Variants in SGCD observed in about 807,000 individuals in gnomAD.
SGCD encodes delta-sarcoglycan.
In SGCD, 18 loss-of-function variants were observed where a neutral mutation model predicts 36.6. That is an observed-to-expected ratio of 0.49 (90% CI 0.34 to 0.73). The LOEUF is 0.73. SGCD is among the 30% of genes least tolerant of loss of function. The pLI is 0.01. For missense variants in SGCD, 387 were observed against 346.7 expected (o/e 1.12, Z -0.92); for synonymous variants, 133 against 130.6 (o/e 1.02, Z -0.12).
At chr5:156,749,725 CA>C (rs1275190520) in intron 7 of SGCD, among the ~76,000 whole-genome samples, 9 of 151,386 alleles carry the variant, frequency 5.9e-5, no homozygotes, top group Non-Finnish European at 1.3e-4. Context: ...AGCTAACTTA[CA>C]AAAAAAACTG....
intron 3 of SGCD, among the ~76,000 whole-genome samples, chr5:156,292,468 C>T (rs762654223): frequency 3.3e-5 from 5 of 152,146 alleles, no homozygotes; most frequent in Non-Finnish European, 7.4e-5. Flanking sequence ...AAGCTGAATA[C>T]TAATTCCATT....
chr5:156,604,014 T>A (rs1761313283), intron 6 of SGCD, among the ~76,000 whole-genome samples: 1 of 152,082 alleles, frequency 6.6e-6, no homozygotes, highest in African/African-American at 2.4e-5. Flanking sequence ...CTACTATTAC[T>A]GTTTTGGAGT....
the SGCD span, among the ~76,000 whole-genome samples, chr5:155,750,051 T>TC: frequency 1.3e-5 from 2 of 152,190 alleles, no homozygotes; most frequent in African/African-American, 4.8e-5. Context: ...CCATTTTTTT[T>TC]CCATTTAAAG....
At chr5:156,745,261 C>CT (rs1452687109) in intron 7 of SGCD, among the ~76,000 whole-genome samples, 1 of 152,164 alleles carries the variant, frequency 6.6e-6, no homozygotes, top group African/African-American at 2.4e-5. Flanking sequence ...AATTGCCTGT[C>CT]TTGAACCTCA....
At chr5:155,851,244 C>A in the SGCD span, among the ~76,000 whole-genome samples, 1 of 152,110 alleles carries the variant, frequency 6.6e-6, no homozygotes, top group Non-Finnish European at 1.5e-5. Context: ...TTTTCAAGAT[C>A]CACATCAGTT....
At chr5:155,844,531 T>C in the SGCD span, among the ~76,000 whole-genome samples, 1 of 151,976 alleles carries the variant, frequency 6.6e-6, no homozygotes, top group Admixed American at 6.6e-5. Flanking sequence ...AATTTATTAA[T>C]AGAAGCATTC....
rs1246276884 is a variant in SGCD at position 156,603,587 on chromosome 5, A to G, written c.502+8536A>G. On this transcript the variant is annotated intron_variant, in intron 6 of 8. Coordinates refer to ENST00000337851, the MANE Select transcript of SGCD (RefSeq NM_000337.6). The stretch of plus-strand genomic sequence containing the variant: ...ATTCCTTCTTATGACTGCTTTTGCA[A>G]TGTCTCAGGCTTTGGCATGATGTGT... Among the ~76,000 whole-genome samples the G allele has an allele frequency of 2.6e-5, 4 of 152,162 alleles. No homozygotes were observed. The East Asian group carries it at 7.7e-4, about 29-fold the overall frequency.
intron 4 of SGCD, among the ~76,000 whole-genome samples, chr5:156,525,149 C>A (rs1757590872): frequency 6.6e-6 from 1 of 152,064 alleles, no homozygotes; most frequent in Non-Finnish European, 1.5e-5. Flanking sequence ...ACGCTCCATG[C>A]AGTTTTCCAT....
chr5:156,574,877 T>G (rs921853090), intron 4 of SGCD, among the ~76,000 whole-genome samples: 1 of 152,146 alleles, frequency 6.6e-6, no homozygotes, highest in Non-Finnish European at 1.5e-5. Context: ...CAGAATGCCA[T>G]GCACCATTCT....
intron 6 of SGCD, among the ~76,000 whole-genome samples, chr5:156,612,964 A>G (rs1246274960): frequency 1.3e-5 from 2 of 152,186 alleles, no homozygotes; most frequent in Non-Finnish European, 2.9e-5. Flanking sequence ...TAGCAGTAAT[A>G]AGGACTACTG....
At chr5:155,863,879 G>A in the SGCD span, among the ~76,000 whole-genome samples, 4 of 152,008 alleles carry the variant, frequency 2.6e-5, no homozygotes, top group African/African-American at 7.2e-5. Flanking sequence ...TGTGTGCCAC[G>A]CACATAATAG....
intron 3 of SGCD, among the ~76,000 whole-genome samples, chr5:156,252,088 C>T (rs1245392063): frequency 1.2e-4 from 18 of 148,324 alleles, no homozygotes; most frequent in Admixed American, 4.0e-4. Flanking sequence ...TTTTTTGAGA[C>T]GGAGTTTCGC....
chr5:156,097,970 C>T (rs766241030), intron 1 of SGCD, among the ~76,000 whole-genome samples: 9 of 152,130 alleles, frequency 5.9e-5, no homozygotes, highest in South Asian at 2.1e-4. Context: ...TAGGTGCCAT[C>T]GGAATTCTCA....
At chr5:155,971,908 A>C (rs995058645) in intron 1 of SGCD, among the ~76,000 whole-genome samples, 3 of 152,112 alleles carry the variant, frequency 2.0e-5, no homozygotes, top group Non-Finnish European at 2.9e-5. Flanking sequence ...TATCAAAACA[A>C]ATTTAGTCTT....
intron 7 of SGCD, among the ~76,000 whole-genome samples, chr5:156,694,826 C>T (rs32092): frequency 0.99 from 150,446 of 152,228 alleles, 74,343 homozygotes; most frequent in East Asian, 1. Context: ...TGCCAGCTGA[C>T]TTAAATAAAA....
chr5:156,349,778 A>G (rs1769141336), intron 3 of SGCD, among the ~76,000 whole-genome samples: 4 of 152,148 alleles, frequency 2.6e-5, no homozygotes, highest in Non-Finnish European at 5.9e-5. Context: ...TATGTCAAAA[A>G]GAGACCTGCA....
At chr5:156,041,505 G>A (rs560095375) in intron 1 of SGCD, among the ~76,000 whole-genome samples, 14 of 152,294 alleles carry the variant, frequency 9.2e-5, no homozygotes, top group African/African-American at 3.4e-4. Flanking sequence ...AGAATGTTCT[G>A]CCTAAAGTAG....
At chr5:156,078,683 T>C (rs920225713) in intron 1 of SGCD, among the ~76,000 whole-genome samples, 2 of 147,606 alleles carry the variant, frequency 1.4e-5, no homozygotes, top group Non-Finnish European at 3.0e-5. Flanking sequence ...TATATATGCG[T>C]GTGTGTGTGT....
the SGCD span, among the ~76,000 whole-genome samples, chr5:155,857,236 C>CATAA: frequency 2.6e-5 from 4 of 152,116 alleles, no homozygotes; most frequent in East Asian, 1.9e-4. Context: ...GACTCCATCT[C>CATAA]ATAAATAAAT....
Sources: allele counts gnomAD v4.1 joint callset (sites outside exome capture counted in the v4.1 genomes callset), GRCh38; gene constraint gnomAD v4.1.1; transcripts MANE v1.5; gene names NCBI Gene and HGNC (gene_info 2026-07-23, HGNC 2026-07-21).